OCA2: variants seen among roughly 807,000 people sequenced by gnomAD.
The protein encoded by OCA2 is OCA2 melanosomal transmembrane protein.
OCA2 carries 77 observed loss-of-function variants against 100.2 expected under a neutral mutation model. The observed-to-expected ratio is 0.77, with a 90% confidence interval of 0.64 to 0.93. The LOEUF is 0.93. Ranked by LOEUF, OCA2 falls within the 40% of genes least tolerant of loss-of-function variation. The probability of loss-of-function intolerance (pLI) is 0.00; values close to 1 mark genes in which losing one functional copy is unlikely to be tolerated. For missense variants in OCA2, 1,062 were observed against 1,089.1 expected (o/e 0.98, Z 0.35); for synonymous variants, 432 against 439.2 (o/e 0.98, Z 0.21).
intron 1 of OCA2, among the ~76,000 whole-genome samples, chr15:28,092,397 C>T (rs2141963447): frequency 6.6e-6 from 1 of 152,272 alleles, no homozygotes; most frequent in Non-Finnish European, 1.5e-5. Flanking sequence ...TCTCTGTAAA[C>T]CAGGCTGGAG....
At chr15:27,760,540 A>G (rs551408824) in intron 23 of OCA2, among the ~76,000 whole-genome samples, 2 of 152,082 alleles carry the variant, frequency 1.3e-5, no homozygotes, top group Admixed American at 6.5e-5. Context: ...TTTTTAAAAA[A>G]GATCAATAAA....
rs557724358 is a variant in OCA2 at position 27,804,845 on chromosome 15, G to C, written c.2432+40114C>G. ...CCAGTCCTCGGCGCCAGGCAGGCCT[G>C]TTCCTTAGGAGAGGTGTTCACTCAT... On this transcript the variant is annotated intron_variant, in intron 23 of 23. Coordinates refer to ENST00000354638, the MANE Select transcript of OCA2 (RefSeq NM_000275.3). Among the ~76,000 whole-genome samples the C allele has an allele frequency of 5.3e-5, 8 of 152,222 alleles. No individual in the cohort carries two copies. In the South Asian group the frequency reaches 1.2e-3, roughly 24 times the overall value.
intron 18 of OCA2, among the ~76,000 whole-genome samples, chr15:27,934,797 G>A (rs776543287): frequency 1.3e-5 from 2 of 152,134 alleles, no homozygotes. Context: ...CCATAGTCAC[G>A]GAGATTTGTC....
chr15:27,859,479 T>C (rs2036055512), intron 21 of OCA2, among the ~76,000 whole-genome samples: 1 of 152,088 alleles, frequency 6.6e-6, no homozygotes, highest in Non-Finnish European at 1.5e-5. Context: ...CATGAAAAAA[T>C]AGAATATTTG....
intron 23 of OCA2, among the ~76,000 whole-genome samples, chr15:27,770,685 G>A (rs1414732312): frequency 1.4e-5 from 2 of 147,738 alleles, no homozygotes; most frequent in Non-Finnish European, 1.5e-5. Flanking sequence ...CGGTGGCTTC[G>A]GCCCTCTCCA....
intron 2 of OCA2, among the ~76,000 whole-genome samples, chr15:28,058,446 G>A (rs1013624553): frequency 5.3e-5 from 8 of 152,162 alleles, no homozygotes; most frequent in African/African-American, 1.9e-4. Context: ...GCAGCTGCAG[G>A]AATCATGCAG....
At chr15:28,011,923 GA>G (rs1173973077) in intron 9 of OCA2, among the ~76,000 whole-genome samples, 1 of 87,026 alleles carries the variant, frequency 1.1e-5, no homozygotes, top group Non-Finnish European at 2.4e-5. Flanking sequence ...TCTCAAAAAA[GA>G]AAAAAAAAGG....
At chr15:28,098,900 G>A (rs951337762) in intron 1 of OCA2, among the ~76,000 whole-genome samples, 7 of 152,248 alleles carry the variant, frequency 4.6e-5, no homozygotes, top group Admixed American at 6.5e-5. Context: ...CTGCCCTGGA[G>A]TTCAAGTGGA....
intron 14 of OCA2, among the ~76,000 whole-genome samples, chr15:27,982,597 G>A (rs1199420012): frequency 6.6e-6 from 1 of 152,098 alleles, no homozygotes; most frequent in Non-Finnish European, 1.5e-5. Context: ...CTGGAGCCAT[G>A]GATTCTCAAA....
the OCA2 span, among the ~76,000 whole-genome samples, chr15:27,729,064 G>A: frequency 2.0e-5 from 3 of 152,004 alleles, no homozygotes; most frequent in Non-Finnish European, 2.9e-5. Flanking sequence ...TGCTTTCCAC[G>A]CCTGCAAGAC....
At chr15:27,934,683 G>T (rs1281929008) in intron 18 of OCA2, among the ~76,000 whole-genome samples, 1 of 152,130 alleles carries the variant, frequency 6.6e-6, no homozygotes, top group Admixed American at 6.6e-5. Context: ...GTCCTTTAGG[G>T]CTCTTTTTAT....
At chr15:27,875,137 A>G (rs967090563) in intron 19 of OCA2, among the ~76,000 whole-genome samples, 1 of 152,178 alleles carries the variant, frequency 6.6e-6, no homozygotes, top group Non-Finnish European at 1.5e-5. Flanking sequence ...AGAGATCATC[A>G]CTATAAAGAT....
At chr15:27,758,699 A>G (rs913724944) in intron 23 of OCA2, among the ~76,000 whole-genome samples, 5 of 152,234 alleles carry the variant, frequency 3.3e-5, no homozygotes, top group African/African-American at 1.2e-4. Flanking sequence ...GTAAAACTCT[A>G]ACGGAATGGG....
intron 1 of OCA2, among the ~76,000 whole-genome samples, chr15:28,087,984 C>A (rs2044807014): frequency 1.3e-5 from 2 of 151,958 alleles, no homozygotes; most frequent in South Asian, 4.2e-4. Context: ...ATCATTTGAA[C>A]CCAGAAGGCA....
At chr15:27,857,340 C>T (rs1279679830) in intron 21 of OCA2, among the ~76,000 whole-genome samples, 1 of 152,092 alleles carries the variant, frequency 6.6e-6, no homozygotes, top group Admixed American at 6.6e-5. Context: ...ATTATCAGGG[C>T]TTATCTAGAA....
intron 2 of OCA2, among the ~76,000 whole-genome samples, chr15:28,050,351 G>A (rs2043471260): frequency 6.6e-6 from 1 of 152,128 alleles, no homozygotes; most frequent in Non-Finnish European, 1.5e-5. Context: ...CTGAGGTCGA[G>A]TTCGAGACCA....
chr15:27,811,934 T>C (rs2034095837), intron 23 of OCA2, among the ~76,000 whole-genome samples: 1 of 152,210 alleles, frequency 6.6e-6, no homozygotes, highest in Admixed American at 6.5e-5. Context: ...TGCACCAACC[T>C]TGTGGCTCAA....
At chr15:27,896,448 T>C in intron 19 of OCA2, 1 of 654,408 alleles carries the variant, frequency 1.5e-6, no homozygotes, top group Non-Finnish European at 2.8e-6. Flanking sequence ...GAATCCCATC[T>C]AGGAGAAGAA....
intron 19 of OCA2, among the ~76,000 whole-genome samples, chr15:27,901,512 C>T (rs370925089): frequency 4.6e-5 from 7 of 152,196 alleles, no homozygotes; most frequent in African/African-American, 1.7e-4. Flanking sequence ...GGCCTCTTTT[C>T]TTCAGGAGTT....
Sources: gnomAD v4.1 joint callset for allele counts (sites outside exome capture counted in the v4.1 genomes callset) on GRCh38, gnomAD v4.1.1 for gene constraint, MANE v1.5 for transcripts, NCBI Gene and HGNC (gene_info 2026-07-23, HGNC 2026-07-21) for gene names.